Variants in BIVM observed in about 807,000 individuals in gnomAD.
BIVM encodes basic, immunoglobulin-like variable motif containing, also known as basic immunoglobulin-like variable motif-containing protein.
Under a neutral mutation model 61.4 loss-of-function variants are expected in BIVM, and 31 were observed. That is an observed-to-expected ratio of 0.51 (90% CI 0.38 to 0.68). BIVM has a LOEUF of 0.68. Among genes scored for constraint, BIVM ranks in the 30% least tolerant of loss-of-function variants. The probability of loss-of-function intolerance (pLI) is 0.00; values close to 1 mark genes in which losing one functional copy is unlikely to be tolerated. For synonymous variants in BIVM, 189 were observed against 210.7 expected, an observed-to-expected ratio of 0.90 and a Z score of 0.89; for missense variants, 526 against 596.0, an observed-to-expected ratio of 0.88 and a Z score of 1.22.
intron 8 of BIVM, 138 bp from the exon 9 acceptor site, chr13:102,834,328 C>A: frequency 2.5e-6 from 2 of 789,334 alleles, no homozygotes; most frequent in South Asian, 5.3e-5. Context: ...TTGCCCTCAC[C>A]TAAGCTCTAA....
At chr13:102,805,505 AT>A (rs141415769) in intron 2 of BIVM, 115 bp downstream of exon 2, 8 of 152,146 alleles carry the variant, frequency 5.3e-5, no homozygotes, top group Non-Finnish European at 7.4e-5. Context: ...CTAATACATT[AT>A]TTTTTAGACA....
At chr13:102,819,900 T>A (rs1536377) in intron 4 of BIVM, among the ~76,000 whole-genome samples, 1 of 152,092 alleles carries the variant, frequency 6.6e-6, no homozygotes, top group Non-Finnish European at 1.5e-5. Context: ...ACACTAAAGT[T>A]GCTCTTAGTG....
At chr13:102,835,400 C>G (rs1364396694) in intron 9 of BIVM, among the ~76,000 whole-genome samples, 2 of 152,178 alleles carry the variant, frequency 1.3e-5, no homozygotes, top group Non-Finnish European at 2.9e-5. Flanking sequence ...CCAATCACCA[C>G]TATATAATTG....
chr13:102,838,788 T>A, intron 10 of BIVM, 49 bp downstream of exon 10: 1 of 1,558,554 alleles, frequency 6.4e-7, no homozygotes, highest in Non-Finnish European at 8.8e-7. Flanking sequence ...CTGACCAAAA[T>A]GTGGTGTTTT....
intron 1 of BIVM, among the ~76,000 whole-genome samples, chr13:102,802,486 T>A (rs1878807684): frequency 6.6e-6 from 1 of 152,146 alleles, no homozygotes; most frequent in Non-Finnish European, 1.5e-5. Flanking sequence ...GTACTTTGCA[T>A]TTTTTTGTAA....
intron 4 of BIVM, among the ~76,000 whole-genome samples, chr13:102,817,570 C>G (rs1879948036): frequency 6.6e-6 from 1 of 152,162 alleles, no homozygotes; most frequent in East Asian, 1.9e-4. Flanking sequence ...TAGGTAATAG[C>G]CAGGTTCCAT....
chr13:102,828,379 T>C (rs1437171767), intron 7 of BIVM, among the ~76,000 whole-genome samples: 1 of 152,140 alleles, frequency 6.6e-6, no homozygotes, highest in African/African-American at 2.4e-5. Context: ...ATGTATTTAG[T>C]TTTTTCTAGT....
Position 102,821,069 on chromosome 13 carries a change from C to CT in BIVM, c.640dup (p.Cys214LeufsTer41). ...ATAAGCCGACCACAGTATAAGACTT[C>CT]TTGTGGCATCTCTTCATTAATTTCT... On this transcript the variant is annotated frameshift_variant, in exon 5 of 11. Transcript: ENST00000257336. LOFTEE classifies it high-confidence loss of function. 1 of 1,613,524 alleles carries CT rather than the reference C, an allele frequency of 6.2e-7. No individual in the cohort carries two copies. The highest frequency in any genetic ancestry group is 8.5e-7 in the Non-Finnish European group (1 of 1,179,852).
Position 102,810,072 on chromosome 13 carries a change from C to T in BIVM, c.478+2327C>T, listed in dbSNP as rs74484930. ...ACAGGCGTGAGCCACCCCGCCCAGCCCTTCTTTTCATCTTACAAAATAAAC... is the reference window on the plus strand; with the variant it reads ...ACAGGCGTGAGCCACCCCGCCCAGCTCTTCTTTTCATCTTACAAAATAAAC... On this transcript the variant is annotated intron_variant, in intron 3 of 10. Coordinates refer to ENST00000257336, the MANE Select transcript of BIVM (RefSeq NM_017693.4). Among the ~76,000 whole-genome samples, 830 of 152,290 alleles carry T rather than the reference C, an allele frequency of 5.5e-3. 8 individuals carry two copies. The highest frequency in any genetic ancestry group is 0.018 in the African/African-American group (754 of 41,558).
chr13:102,806,502 G>A (rs1879093918), intron 2 of BIVM, among the ~76,000 whole-genome samples: 1 of 152,108 alleles, frequency 6.6e-6, no homozygotes, highest in South Asian at 2.1e-4. Flanking sequence ...CACCTGCCTT[G>A]GCCTCCCAAA....
At chr13:102,821,602 TA>T (rs1053130078) in intron 5 of BIVM, 140 bp from the exon 6 acceptor site, 2 of 710,794 alleles carry the variant, frequency 2.8e-6, no homozygotes, top group Non-Finnish European at 2.0e-6. Context: ...AACCTGTCTC[TA>T]AAAAAATAAA....
intron 1 of BIVM, among the ~76,000 whole-genome samples, chr13:102,803,992 A>C (rs56389909): frequency 0.065 from 9,912 of 152,212 alleles, 386 homozygotes; most frequent in African/African-American, 0.11. Flanking sequence ...ACCCACTACA[A>C]CTACTCCAAG....
chr13:102,821,695 G>GT, intron 5 of BIVM, 48 bp from the exon 6 acceptor site: 1 of 1,559,836 alleles, frequency 6.4e-7, no homozygotes, highest in Non-Finnish European at 8.8e-7. Context: ...CTGTATTTGC[G>GT]TATGACTGGA....
chr13:102,841,171 A>G lies in BIVM; in HGVS notation c.*1306A>G, dbSNP rs1198012005. ...TTCTGCTGCCAACCTGTGACTCACA[A>G]ATGACTAGGATCTCTTGTTCTTTAA... On this transcript the variant is annotated 3_prime_UTR_variant, in exon 11 of 11. Transcript: ENST00000257336. The G allele has an allele frequency of 1.3e-5, 2 of 152,626 alleles. No homozygotes were observed. The highest frequency in any genetic ancestry group is 1.9e-4 in the East Asian group (1 of 5,198). The allele number at this position is 152,626 out of a possible 1,614,324, so 9.5% of individuals were successfully genotyped here. A position where few individuals can be genotyped will look rare whatever the true frequency, so the allele number is the denominator to read the frequency against.
chr13:102,809,510 G>A (rs1408491288), intron 3 of BIVM, among the ~76,000 whole-genome samples: 2 of 152,174 alleles, frequency 1.3e-5, no homozygotes, highest in African/African-American at 2.4e-5. Context: ...ATGTCGAAGT[G>A]TTTGAAAGTG....
At chr13:102,838,807 C>A in intron 10 of BIVM, 68 bp downstream of exon 10, 1 of 1,422,234 alleles carries the variant, frequency 7.0e-7, no homozygotes, top group Non-Finnish European at 9.6e-7. Context: ...TTACTTAGCA[C>A]TCTTTAGGTT....
chr13:102,824,076 A>G (rs1010931352), intron 7 of BIVM, among the ~76,000 whole-genome samples: 1 of 152,216 alleles, frequency 6.6e-6, no homozygotes, highest in Non-Finnish European at 1.5e-5. Context: ...TTTTATGGTC[A>G]TTCTCCAGTT....
chr13:102,832,160 C>T (rs984434164), intron 8 of BIVM, among the ~76,000 whole-genome samples: 8 of 152,062 alleles, frequency 5.3e-5, no homozygotes, highest in African/African-American at 1.9e-4. Context: ...TACTGTTGTT[C>T]AGTCATTATA....
chr13:102,833,345 T>TTTTTTTTA (rs71131027), intron 8 of BIVM, among the ~76,000 whole-genome samples: 1 of 145,850 alleles, frequency 6.9e-6, no homozygotes, highest in South Asian at 2.3e-4. Context: ...TTTTTTTTTT[T>TTTTTTTTA]GAGACAAGGC....
Sources: gnomAD v4.1 joint callset for allele counts (sites outside exome capture counted in the v4.1 genomes callset) on GRCh38, gnomAD v4.1.1 for gene constraint, MANE v1.5 for transcripts, NCBI Gene and HGNC (gene_info 2026-07-23, HGNC 2026-07-21) for gene names.